Variants in GAB2 observed in about 807,000 individuals in gnomAD.
The protein encoded by GAB2 is GRB2 associated binding protein 2.
GAB2 carries 26 observed loss-of-function variants against 65.5 expected under a neutral mutation model. The ratio of observed to expected loss-of-function variants is 0.40; its 90% confidence interval spans 0.29 to 0.55. The LOEUF is 0.55. Among genes scored for constraint, GAB2 ranks in the 20% least tolerant of loss-of-function variants. The pLI is 0.53. For missense variants in GAB2, 884 were observed against 875.8 expected (o/e 1.01, Z -0.12); for synonymous variants, 321 against 329.6 (o/e 0.97, Z 0.28).
At chr11:78,244,232 A>G (rs1865226395) in intron 3 of GAB2, among the ~76,000 whole-genome samples, 1 of 152,082 alleles carries the variant, frequency 6.6e-6, no homozygotes, top group Non-Finnish European at 1.5e-5. Flanking sequence ...TCTCTATTAA[A>G]AATAGAAAAA....
rs1278326267 is a variant in GAB2 at position 78,218,469 on chromosome 11, A to C, written c.*803T>G. On this transcript the variant is annotated 3_prime_UTR_variant, in exon 10 of 10. Coordinates refer to ENST00000361507, the MANE Select transcript of GAB2 (RefSeq NM_080491.3). ...GGCCTAGAGTGGCCTGTAGCTCCAGAGTTCTGGGGACCCAGACCCCACAGT... is the reference window on the plus strand; with the variant it reads ...GGCCTAGAGTGGCCTGTAGCTCCAGCGTTCTGGGGACCCAGACCCCACAGT... The C allele has an allele frequency of 6.6e-6, 1 of 152,422 alleles. No homozygotes were observed. Among genetic ancestry groups the C allele is most frequent in the Non-Finnish European group, 1.5e-5 (1 of 68,228 alleles). 9.4% of individuals were successfully genotyped at this position (152,422 alleles called of 1,614,324 possible).
intron 1 of GAB2, among the ~76,000 whole-genome samples, chr11:78,306,470 A>G (rs534013661): frequency 7.9e-5 from 12 of 152,122 alleles, no homozygotes; most frequent in African/African-American, 1.9e-4. Flanking sequence ...GAGCTCAGGC[A>G]ATCTGCCCAC....
intron 2 of GAB2, among the ~76,000 whole-genome samples, chr11:78,267,971 T>C (rs553577789): frequency 6.6e-6 from 1 of 152,160 alleles, no homozygotes; most frequent in Non-Finnish European, 1.5e-5. Context: ...CATATTTTTA[T>C]GGACTGATAA....
chr11:78,369,214 A>AGTTCATTGTATTAATCAATGGC (rs1319084967), intron 1 of GAB2, among the ~76,000 whole-genome samples: 3 of 151,806 alleles, frequency 2.0e-5, no homozygotes, highest in African/African-American at 7.3e-5. Context: ...GCTGGTCTCC[A>AGTTCATTGTATTAATCAATGGC]GTTCATTGTA....
chr11:78,346,201 A>G (rs1856176283), intron 1 of GAB2, among the ~76,000 whole-genome samples: 1 of 152,184 alleles, frequency 6.6e-6, no homozygotes, highest in Non-Finnish European at 1.5e-5. Context: ...TTGAAATCAA[A>G]CTGCCCGGAT....
intron 2 of GAB2, among the ~76,000 whole-genome samples, chr11:78,263,783 T>C (rs1291550157): frequency 6.6e-6 from 1 of 152,152 alleles, no homozygotes; most frequent in Non-Finnish European, 1.5e-5. Flanking sequence ...ACGGGATCAT[T>C]TAGTTTAATA....
At chr11:78,398,495 T>C (rs993728436) in intron 1 of GAB2, among the ~76,000 whole-genome samples, 1 of 152,202 alleles carries the variant, frequency 6.6e-6, no homozygotes, top group East Asian at 1.9e-4. Flanking sequence ...AACAGATAGA[T>C]GAAATGTGAT....
intron 1 of GAB2, among the ~76,000 whole-genome samples, chr11:78,310,570 G>C (rs145191791): frequency 1.6e-4 from 24 of 152,018 alleles, no homozygotes; most frequent in Admixed American, 2.6e-4. Context: ...CTGTAAGCGG[G>C]AACCAGGCCC....
At chr11:78,309,969 T>TGTGTGTGTGTGTGTGTGTGTGTGTGTGC (rs1565153892) in intron 1 of GAB2, among the ~76,000 whole-genome samples, 1 of 104,382 alleles carries the variant, frequency 9.6e-6, no homozygotes, top group African/African-American at 4.3e-5. Flanking sequence ...TGTGTGTGTG[T>TGTGTGTGTGTGTGTGTGTGTGTGTGTGC]GTGCGCGCGC....
At chr11:78,261,166 C>A (rs901071168) in intron 2 of GAB2, among the ~76,000 whole-genome samples, 1 of 151,956 alleles carries the variant, frequency 6.6e-6, no homozygotes, top group East Asian at 1.9e-4. Context: ...GCCTGCAGTC[C>A]CAGACTGGGG....
chr11:78,240,845 A>G (rs1222249184), intron 3 of GAB2, among the ~76,000 whole-genome samples: 1 of 152,200 alleles, frequency 6.6e-6, no homozygotes, highest in Non-Finnish European at 1.5e-5. Flanking sequence ...GAGTCATATC[A>G]TAGATCCTGG....
At chr11:78,353,336 G>A (rs976783533) in intron 1 of GAB2, among the ~76,000 whole-genome samples, 3 of 152,198 alleles carry the variant, frequency 2.0e-5, no homozygotes, top group African/African-American at 7.2e-5. Flanking sequence ...AGCTACTCGG[G>A]AGGCTGAGGC....
rs760984165 is a variant in GAB2, at chr11:78,226,655, C to T, written c.1017G>A (p.Met339Ile). 7 of 1,613,990 alleles carry T rather than the reference C, an allele frequency of 4.3e-6. No homozygotes were observed. The highest frequency in any genetic ancestry group is 1.1e-5 in the South Asian group (1 of 91,076). Residue 339 changes from methionine to isoleucine, a missense_variant, in exon 4 of 10, where the codon ATG (methionine) becomes ATA (isoleucine). Transcript: ENST00000361507. Reference sequence around the variant, plus strand: ...CTGAGTCCCCAGGAGTGGCCACTGTCATGGCATTGTGGTTTTTGTCCAGAG... The same window carrying T: ...CTGAGTCCCCAGGAGTGGCCACTGTTATGGCATTGTGGTTTTTGTCCAGAG... ...TFTLDKNHNAMTVATPGDSAI... is the reference protein window; with the variant it reads ...TFTLDKNHNAITVATPGDSAI...
At chr11:78,326,020 A>T (rs1473988296) in intron 1 of GAB2, among the ~76,000 whole-genome samples, 2 of 152,184 alleles carry the variant, frequency 1.3e-5, no homozygotes, top group Admixed American at 6.5e-5. Context: ...TTTTGTAGAG[A>T]CAATCATTCT....
intron 1 of GAB2, among the ~76,000 whole-genome samples, chr11:78,355,912 C>A (rs934389238): frequency 1.3e-5 from 2 of 151,824 alleles, no homozygotes; most frequent in African/African-American, 4.8e-5. Context: ...GTGGCTCATG[C>A]CTGTAATCCC....
intron 1 of GAB2, among the ~76,000 whole-genome samples, chr11:78,294,953 A>G (rs1866785901): frequency 6.6e-6 from 1 of 152,196 alleles, no homozygotes; most frequent in Admixed American, 6.5e-5. Flanking sequence ...TGAACAGGCA[A>G]CCTACAGAAT....
At chr11:78,248,986 GA>G (rs915240583) in intron 3 of GAB2, among the ~76,000 whole-genome samples, 3 of 152,200 alleles carry the variant, frequency 2.0e-5, no homozygotes, top group African/African-American at 7.2e-5. Context: ...TTGAACTAGT[GA>G]AAGTTCACAA....
rs754705231 is a variant in GAB2 at position 78,417,701 on chromosome 11, A to ACGT, written c.17_19dup (p.Asp6dup). ...TTTCCTCAGCCAGCCGGTGCACACC[A>ACGT]CGTCGCCGCCGCCGCTCATGCTGCC... On this transcript the variant is annotated inframe_insertion, in exon 1 of 10. Transcript: ENST00000361507. The ACGT allele has an allele frequency of 1.7e-5, 23 of 1,350,072 alleles. No individual in the cohort carries two copies. The highest frequency in any genetic ancestry group is 6.9e-5 in the Admixed American group (3 of 43,600). The allele number at this position is 1,350,072 out of a possible 1,614,324, so 83.6% of individuals were successfully genotyped here. A position where few individuals can be genotyped will look rare whatever the true frequency, so the allele number is the denominator to read the frequency against.
At chr11:78,378,440 A>G (rs1785126784) in intron 1 of GAB2, among the ~76,000 whole-genome samples, 1 of 152,178 alleles carries the variant, frequency 6.6e-6, no homozygotes, top group Non-Finnish European at 1.5e-5. Context: ...TGTCATTAGC[A>G]ATTCCAAAAG....
Sources: allele counts gnomAD v4.1 joint callset (sites outside exome capture counted in the v4.1 genomes callset), GRCh38; gene constraint gnomAD v4.1.1; transcripts MANE v1.5; gene names NCBI Gene and HGNC (gene_info 2026-07-23, HGNC 2026-07-21).